Variants in KCNJ3 observed in about 807,000 individuals in gnomAD.
KCNJ3 encodes potassium inwardly rectifying channel subfamily J member 3, also known as G protein-activated inward rectifier potassium channel 1.
A neutral mutation model predicts 39.2 loss-of-function variants in KCNJ3; 4 were observed. The ratio of observed to expected loss-of-function variants is 0.10; its 90% CI spans 0.05 to 0.23. The LOEUF is 0.23. KCNJ3 is among the 10% of genes least tolerant of loss of function. The pLI is 1.00. For missense variants in KCNJ3, 276 were observed against 634.9 expected (o/e 0.43, Z 6.08); for synonymous variants, 230 against 237.4 (o/e 0.97, Z 0.29).
intron 2 of KCNJ3, among the ~76,000 whole-genome samples, chr2:154,821,009 A>C (rs952922569): frequency 2.0e-5 from 3 of 152,168 alleles, no homozygotes; most frequent in African/African-American, 7.2e-5. Context: ...TATGTTTTTA[A>C]GTATCATTAT....
At chr2:154,809,015 G>C in intron 2 of KCNJ3, among the ~76,000 whole-genome samples, 1 of 152,098 alleles carries the variant, frequency 6.6e-6, no homozygotes, top group East Asian at 1.9e-4. Flanking sequence ...AAAAGGTCTG[G>C]AAAGCTAAAA....
At chr2:154,755,428 T>C (rs1014018697) in intron 2 of KCNJ3, among the ~76,000 whole-genome samples, 2 of 151,870 alleles carry the variant, frequency 1.3e-5, no homozygotes, top group Non-Finnish European at 1.5e-5. Context: ...TTCAAATATT[T>C]TAATGTTTTA....
At chr2:154,754,415 A>G (rs1359547421) in intron 2 of KCNJ3, among the ~76,000 whole-genome samples, 1 of 152,090 alleles carries the variant, frequency 6.6e-6, no homozygotes, top group East Asian at 1.9e-4. Context: ...CTGGGATTCC[A>G]GGCATGTGCC....
chr2:154,839,214 G>T (rs1687532491), intron 2 of KCNJ3, among the ~76,000 whole-genome samples: 1 of 152,144 alleles, frequency 6.6e-6, no homozygotes, highest in Non-Finnish European at 1.5e-5. Context: ...TTCTGTCCTT[G>T]AGATAGTTTG....
rs796176723 is a variant in KCNJ3, at chr2:154,791,171, A to G, written c.920-63556A>G. 9.2e-5 allele frequency among the ~76,000 whole-genome samples: 14 copies of G among 152,136 alleles called. 1 individual carries two copies. The highest frequency in any genetic ancestry group is 3.4e-4 in the African/African-American group (14 of 41,522). ...GGAAGTGTGGAAATTTTATTTGGTT[A>G]AGATTAGAGTCTTAGTGGCTTAAAA... On this transcript the variant is annotated intron_variant, in intron 2 of 2. Transcript: ENST00000295101.
chr2:154,843,836 G>A (rs978843369), intron 2 of KCNJ3, among the ~76,000 whole-genome samples: 1 of 151,996 alleles, frequency 6.6e-6, no homozygotes, highest in Non-Finnish European at 1.5e-5. Flanking sequence ...TTAGCCATTC[G>A]TCTAATCTTT....
rs1558886730 is a variant in KCNJ3, at chr2:154,836,230, A to AC, written c.920-18497_920-18496insC. Among the ~76,000 whole-genome samples, 11 of 19,724 alleles carry AC rather than the reference A, an allele frequency of 5.6e-4. 1 individual carries two copies. Among genetic ancestry groups the AC allele is most frequent in the African/African-American group, 7.6e-4 (11 of 14,454 alleles). 12.9% of individuals were successfully genotyped at this position (19,724 alleles called of 152,430 possible). On this transcript the variant is annotated intron_variant, in intron 2 of 2. Coordinates refer to ENST00000295101, the MANE Select transcript of KCNJ3 (RefSeq NM_002239.4). ...CTCAAAAAAAAAAACAAAAAAAAAC[A>AC]AAAAAAAAAACAAAAAAAAACAACT... is the stretch of plus-strand genomic sequence containing the variant.
chr2:154,718,768 C>T (rs1017578798), intron 2 of KCNJ3, among the ~76,000 whole-genome samples: 26 of 152,060 alleles, frequency 1.7e-4, no homozygotes, highest in Admixed American at 5.9e-4. Flanking sequence ...TAACACAGCC[C>T]TTAACATCTT....
At chr2:154,781,805 G>C (rs1290829168) in intron 2 of KCNJ3, among the ~76,000 whole-genome samples, 6 of 152,190 alleles carry the variant, frequency 3.9e-5, no homozygotes, top group African/African-American at 1.4e-4. Context: ...TAAATGTGGA[G>C]TATATCTGTG....
chr2:154,733,999 A>AT (rs2105169309), intron 2 of KCNJ3, among the ~76,000 whole-genome samples: 1 of 152,286 alleles, frequency 6.6e-6, no homozygotes, highest in East Asian at 1.9e-4. Context: ...AGAACTCTGT[A>AT]TTACGTTTGC....
At chr2:154,735,904 T>C (rs1052569843) in intron 2 of KCNJ3, among the ~76,000 whole-genome samples, 3 of 152,234 alleles carry the variant, frequency 2.0e-5, no homozygotes, top group Admixed American at 6.5e-5. Flanking sequence ...CACTGTTTCA[T>C]AGAAAATTGT....
rs763849608 is a variant in KCNJ3 at position 154,709,600 on chromosome 2, T to C, written c.703-3T>C. On this transcript the variant is annotated splice_polypyrimidine_tract_variant and splice_region_variant and intron_variant, in intron 1 of 2. Coordinates refer to ENST00000295101, the MANE Select transcript of KCNJ3 (RefSeq NM_002239.4). ...TCTTCTCTTTTTCTGTGTGCTTGTC[T>C]AGTCTCGGCAGACACCTGAGGGTGA... The C allele has an allele frequency of 5.0e-6, 8 of 1,612,510 alleles. No homozygotes were observed. The highest frequency in any genetic ancestry group is 4.2e-6 in the Non-Finnish European group (5 of 1,179,076).
At chr2:154,823,101 G>A (rs780695003) in intron 2 of KCNJ3, among the ~76,000 whole-genome samples, 12 of 151,870 alleles carry the variant, frequency 7.9e-5, no homozygotes, top group Admixed American at 5.9e-4. Flanking sequence ...ACTGGGAACC[G>A]AAACAGATGT....
intron 2 of KCNJ3, among the ~76,000 whole-genome samples, chr2:154,840,001 A>C (rs1365860833): frequency 2.6e-5 from 4 of 152,242 alleles, no homozygotes; most frequent in South Asian, 2.1e-4. Flanking sequence ...TTAGTCATTA[A>C]GTTCTTGCCC....
At chr2:154,805,710 C>CA (rs1330356217) in intron 2 of KCNJ3, among the ~76,000 whole-genome samples, 3 of 151,892 alleles carry the variant, frequency 2.0e-5, no homozygotes, top group Non-Finnish European at 4.4e-5. Context: ...GGGCATATTA[C>CA]AATTAAATCT....
chr2:154,839,272 G>A (rs1687533339), intron 2 of KCNJ3, among the ~76,000 whole-genome samples: 1 of 152,162 alleles, frequency 6.6e-6, no homozygotes, highest in Non-Finnish European at 1.5e-5. Flanking sequence ...CAAAGGATAT[G>A]AACTCATCCT....
intron 2 of KCNJ3, among the ~76,000 whole-genome samples, chr2:154,761,992 A>G (rs753761074): frequency 5.9e-5 from 9 of 152,206 alleles, no homozygotes; most frequent in Non-Finnish European, 1.2e-4. Flanking sequence ...GTCTGAGAAG[A>G]GGATATAATG....
At chr2:154,748,427 A>T (rs140798541) in intron 2 of KCNJ3, among the ~76,000 whole-genome samples, 149 of 152,072 alleles carry the variant, frequency 9.8e-4, no homozygotes, top group African/African-American at 3.5e-3. Flanking sequence ...AAAGTAGAAA[A>T]TTATGTGTGG....
intron 2 of KCNJ3, among the ~76,000 whole-genome samples, chr2:154,736,774 G>A (rs979247725): frequency 6.6e-6 from 1 of 152,128 alleles, no homozygotes; most frequent in Non-Finnish European, 1.5e-5. Context: ...CCAGTTTTCA[G>A]GACAATTGGA....
Sources: allele counts gnomAD v4.1 joint callset (sites outside exome capture counted in the v4.1 genomes callset), GRCh38; gene constraint gnomAD v4.1.1; transcripts MANE v1.5; gene names NCBI Gene and HGNC (gene_info 2026-07-23, HGNC 2026-07-21).